Variants in TTPA observed in about 807,000 individuals in gnomAD.
TTPA encodes alpha-tocopherol transfer protein.
Under a neutral mutation model 25.9 loss-of-function variants are expected in TTPA, and 23 were observed. The ratio of observed to expected loss-of-function variants is 0.89; its 90% CI spans 0.64 to 1.26. TTPA has a LOEUF of 1.26. TTPA is among the 50% of genes most tolerant of loss of function. The pLI is 0.00. For synonymous variants in TTPA, 148 were observed against 137.3 expected (o/e 1.08, Z -0.54); for missense variants, 337 against 353.1 (o/e 0.95, Z 0.37).
At chr8:63,064,815 T>C (rs1371951242) in intron 3 of TTPA, among the ~76,000 whole-genome samples, 1 of 152,188 alleles carries the variant, frequency 6.6e-6, no homozygotes, top group Non-Finnish European at 1.5e-5. Flanking sequence ...AAAAAGATGG[T>C]TTTCCTACCT....
intron 2 of TTPA, among the ~76,000 whole-genome samples, chr8:63,070,038 A>G (rs1430003743): frequency 2.0e-5 from 3 of 152,222 alleles, no homozygotes; most frequent in African/African-American, 4.8e-5. Context: ...CCTATGTGAC[A>G]GCTTTTCAAT....
At chr8:63,077,726 G>A (rs948302101) in intron 1 of TTPA, among the ~76,000 whole-genome samples, 3 of 152,200 alleles carry the variant, frequency 2.0e-5, no homozygotes, top group Admixed American at 2.0e-4. Flanking sequence ...CACCTCTGTG[G>A]GCAGGGCATA....
chr8:63,085,578 C>A (rs993391629), intron 1 of TTPA, among the ~76,000 whole-genome samples: 2 of 152,220 alleles, frequency 1.3e-5, no homozygotes, highest in African/African-American at 4.8e-5. Context: ...GCCATTATCC[C>A]ATGACTCCAA....
chr8:63,066,255 C>T (rs185200764), intron 2 of TTPA, among the ~76,000 whole-genome samples, 158 bp from the exon 3 acceptor site: 10 of 152,304 alleles, frequency 6.6e-5, no homozygotes, highest in Admixed American at 5.2e-4. Context: ...CGTCCAAGAA[C>T]ATGTGCCTGC....
intron 2 of TTPA, among the ~76,000 whole-genome samples, chr8:63,066,949 C>A (rs1805400245): frequency 6.6e-6 from 1 of 151,894 alleles, no homozygotes; most frequent in African/African-American, 2.4e-5. Context: ...GTGGTAGGTG[C>A]CTGTATTTCC....
At chr8:63,066,650 G>GA (rs1434851104) in intron 2 of TTPA, among the ~76,000 whole-genome samples, 2 of 152,148 alleles carry the variant, frequency 1.3e-5, no homozygotes, top group Non-Finnish European at 2.9e-5. Flanking sequence ...ACACCAAAGA[G>GA]AAACAGGGAG....
chr8:63,073,011 G>A lies in TTPA; in HGVS notation c.282C>T (p.Gly94=), dbSNP rs1246802907. 1.2e-6 allele frequency: 2 copies of A among 1,613,758 alleles called. No individual in the cohort carries two copies. The highest frequency in any genetic ancestry group is 2.2e-5 in the East Asian group (1 of 44,876). Residue 94 remains glycine (G), a synonymous_variant, in exon 2 of 5, where the codon GGC becomes GGT. Coordinates refer to ENST00000260116, the MANE Select transcript of TTPA (RefSeq NM_000370.3). Reference sequence around the variant, plus strand: ...CTCCATGGTAGCCAGCCTTTAGGAGGCCAATAATACTTCTAGGGTGTAGAT... The same window carrying A: ...CTCCATGGTAGCCAGCCTTTAGGAGACCAATAATACTTCTAGGGTGTAGAT... ...SADLHPRSII[G]LLKAGYHGVL...
In TTPA at chr8:63,072,953, C is replaced by T. The variant is rs1805505093; in HGVS notation, c.340G>A (p.Val114Ile). 5 of 1,613,884 alleles carry T rather than the reference C, an allele frequency of 3.1e-6. No homozygotes were observed. The highest frequency in any genetic ancestry group is 3.3e-5 in the Admixed American group (2 of 59,982). ...LRSRDPTGSK[V>I]LIYRIAHWDP... is the part of the protein sequence containing the mutation. ...GACTTACCGATTCTGTAAATAAGAA[C>T]TTTGCTGCCAGTGGGATCCCTGGAT... The change falls in exon 2 of 5, where the codon GTT becomes ATT. Residue 114 changes from valine (V) to isoleucine (I), a missense_variant. Coordinates refer to ENST00000260116, the MANE Select transcript of TTPA (RefSeq NM_000370.3).
chr8:63,067,616 T>C (rs982511743), intron 2 of TTPA, among the ~76,000 whole-genome samples: 3 of 152,160 alleles, frequency 2.0e-5, no homozygotes, highest in African/African-American at 7.2e-5. Context: ...TTATTTATTT[T>C]CAACTTTTAT....
intron 2 of TTPA, among the ~76,000 whole-genome samples, chr8:63,070,677 G>A (rs1213763882): frequency 2.0e-5 from 3 of 152,198 alleles, no homozygotes; most frequent in African/African-American, 7.2e-5. Flanking sequence ...CTGGTTCAGT[G>A]TTAAGGTATT....
downstream of TTPA, among the ~76,000 whole-genome samples, chr8:63,058,716 CA>C (rs11291797): frequency 0.59 from 89,840 of 151,846 alleles, 28,439 homozygotes; most frequent in African/African-American, 0.82. Context: ...AACCTATCAC[CA>C]AAAAAATCTA....
intron 4 of TTPA, among the ~76,000 whole-genome samples, chr8:63,064,004 C>G (rs569159393): frequency 1.1e-4 from 17 of 152,024 alleles, no homozygotes; most frequent in Non-Finnish European, 1.9e-4. Flanking sequence ...CACAGTCTTA[C>G]AACCAATATA....
At chr8:63,072,667 A>G (rs1805501022) in intron 2 of TTPA, among the ~76,000 whole-genome samples, 1 of 152,152 alleles carries the variant, frequency 6.6e-6, no homozygotes, top group African/African-American at 2.4e-5. Flanking sequence ...GACTGTGTGG[A>G]AGAATGGAAC....
chr8:63,076,702 A>C (rs1805567547), intron 1 of TTPA, among the ~76,000 whole-genome samples: 1 of 152,226 alleles, frequency 6.6e-6, no homozygotes, highest in Admixed American at 6.5e-5. Context: ...TTAGTAAATG[A>C]AACATGTTTT....
intron 4 of TTPA, among the ~76,000 whole-genome samples, chr8:63,062,068 G>T (rs1014227358): frequency 1.3e-5 from 2 of 152,130 alleles, no homozygotes; most frequent in Admixed American, 6.5e-5. Context: ...GGTGGTGCAG[G>T]ACTGTAGTCC....
chr8:63,061,344 CT>C lies in TTPA; in HGVS notation c.744del (p.Glu249AsnfsTer15), dbSNP rs397515377. 42 of 1,613,928 alleles carry C rather than the reference CT, an allele frequency of 2.6e-5. No homozygotes were observed. Among genetic ancestry groups the C allele is most frequent in the Admixed American group, 1.3e-4 (8 of 60,028 alleles). ...PDILPLEYGG[E>X]EFSMEDICQE... ...TGACAAATGTCCTCCATGGAGAATT[CT>C]TCACCACCATATTCCAGAGGAAGAA... On this transcript the variant is annotated frameshift_variant, in exon 5 of 5. Transcript: ENST00000260116. LOFTEE classifies it high-confidence loss of function.
At chr8:63,074,863 A>G (rs1045468376) in intron 1 of TTPA, among the ~76,000 whole-genome samples, 2 of 152,198 alleles carry the variant, frequency 1.3e-5, no homozygotes, top group Admixed American at 6.5e-5. Flanking sequence ...CAGGGGCCTC[A>G]GCTTATTCAT....
intron 1 of TTPA, among the ~76,000 whole-genome samples, chr8:63,076,202 A>C (rs1238656051): frequency 6.6e-6 from 1 of 152,204 alleles, no homozygotes; most frequent in Non-Finnish European, 1.5e-5. Context: ...ATAATCCATG[A>C]AAACCCTACT....
chr8:63,082,657 T>C (rs1009617743), intron 1 of TTPA, among the ~76,000 whole-genome samples: 5 of 152,108 alleles, frequency 3.3e-5, no homozygotes, highest in African/African-American at 1.2e-4. Context: ...CTAATTAAAC[T>C]AAAGAGCTTC....
Sources: allele counts gnomAD v4.1 joint callset (sites outside exome capture counted in the v4.1 genomes callset), GRCh38; gene constraint gnomAD v4.1.1; transcripts MANE v1.5; gene names NCBI Gene and HGNC (gene_info 2026-07-23, HGNC 2026-07-21).